Variants in ATP13A3 observed in about 807,000 individuals in gnomAD.
ATP13A3 encodes polyamine-transporting ATPase 13A3.
Under a neutral mutation model 158.1 loss-of-function variants are expected in ATP13A3, and 59 were observed. The ratio of observed to expected loss-of-function variants is 0.37; its 90% CI spans 0.30 to 0.46. The LOEUF is 0.46. Among genes scored for constraint, ATP13A3 ranks in the 20% least tolerant of loss-of-function variants. The probability of loss-of-function intolerance (pLI) is 1.00; values close to 1 mark genes in which losing one functional copy is unlikely to be tolerated. For missense variants in ATP13A3, 1,166 were observed against 1,525.2 expected (o/e 0.76, Z 3.92); for synonymous variants, 491 against 504.3 (o/e 0.97, Z 0.35).
At chr3:194,489,942 G>A (rs566802167), upstream of ATP13A3, among the ~76,000 whole-genome samples, 17 of 152,242 alleles carry the variant, frequency 1.1e-4, no homozygotes, top group African/African-American at 4.1e-4. This position sits in a 1 kb window ranked among gnomAD's most constrained non-coding sequence, Gnocchi z 4.1. Context: ...AGACTTACTG[G>A]TTCTCAAGTC....
intron 2 of ATP13A3, among the ~76,000 whole-genome samples, chr3:194,484,920 G>A (rs939661882): frequency 1.3e-5 from 2 of 152,038 alleles, no homozygotes; most frequent in African/African-American, 2.4e-5. Context: ...AGCTGGGCGT[G>A]GTGGCACACA....
chr3:194,448,561 T>C lies in ATP13A3; in HGVS notation c.1046A>G (p.Tyr349Cys), dbSNP rs749298818. The C allele has an allele frequency of 2.5e-6, 4 of 1,613,972 alleles. No individual in the cohort carries two copies. Among genetic ancestry groups the C allele is most frequent in the African/African-American group, 1.3e-5 (1 of 74,928 alleles). The change falls in exon 12 of 34, where the codon TAT becomes TGT. Residue 349 changes from tyrosine to cysteine, a missense_variant. By Grantham distance (194) the Tyr-to-Cys change is radical. This residue lies in a region of ATP13A3 where 997 missense variants were observed against 1,341.2 expected (regional missense o/e 0.74). Transcript: ENST00000645319. This position sits in a 1 kb window ranked among gnomAD's most constrained non-coding sequence, Gnocchi z 4.0. ...ATGTCGTTTATGTGTTTCTGGATTA[T>C]ATAATTCATCTCCTATTCCTTTCAC... is the stretch of plus-strand genomic sequence containing the variant. Reference protein sequence around the residue: ...VDVKGIGDELYNPETHKRHTL... With the variant: ...VDVKGIGDELCNPETHKRHTL...
chr3:194,464,888 A>T (rs1281191791), intron 2 of ATP13A3, among the ~76,000 whole-genome samples: 1 of 152,096 alleles, frequency 6.6e-6, no homozygotes, highest in Non-Finnish European at 1.5e-5. Flanking sequence ...AAATGCTGAG[A>T]CTGCAGGAAT....
At chr3:194,412,165 C>T (rs1389105152) in intron 33 of ATP13A3, 34 bp downstream of exon 33, 1 of 1,484,680 alleles carries the variant, frequency 6.7e-7, no homozygotes, top group Non-Finnish European at 9.1e-7. Context: ...CCTAGAGAGG[C>T]AGCAAGAATT....
intron 30 of ATP13A3, 50 bp from the exon 31 acceptor site, chr3:194,420,017 A>C: frequency 6.9e-7 from 1 of 1,454,768 alleles, no homozygotes; most frequent in Non-Finnish European, 9.0e-7. Flanking sequence ...ATTCCTTTAT[A>C]TAAAAAGGCA....
At chr3:194,489,945 C>A (rs534069458), upstream of ATP13A3, among the ~76,000 whole-genome samples, 20 of 152,218 alleles carry the variant, frequency 1.3e-4, no homozygotes, top group African/African-American at 4.8e-4. The surrounding 1 kb of genome is among the most constrained non-coding windows in gnomAD (Gnocchi z 4.1). Context: ...CTTACTGGTT[C>A]TCAAGTCATG....
In ATP13A3 at chr3:194,404,881, A is replaced by G. The variant is rs568120774; in HGVS notation, c.*1038T>C. On this transcript the variant is annotated 3_prime_UTR_variant, in exon 34 of 34. Coordinates refer to ENST00000645319, the MANE Select transcript of ATP13A3 (RefSeq NM_001367549.1). Reference sequence around the variant, plus strand: ...TCATCAAATTCATATTGCTTTGAAAAAACGGCAGCCATTCAAATCCAGTAT... The same window carrying G: ...TCATCAAATTCATATTGCTTTGAAAGAACGGCAGCCATTCAAATCCAGTAT... The G allele has an allele frequency of 6.6e-6, 1 of 152,340 alleles. No individual in the cohort carries two copies. Among genetic ancestry groups the G allele is most frequent in the African/African-American group, 2.4e-5 (1 of 41,578 alleles). 9.4% of individuals were successfully genotyped at this position (152,340 alleles called of 1,614,324 possible). A position where few individuals can be genotyped will look rare whatever the true frequency, so the allele number is the denominator to read the frequency against.
intron 2 of ATP13A3, among the ~76,000 whole-genome samples, chr3:194,479,028 C>T (rs905375020): frequency 6.6e-6 from 1 of 152,094 alleles, no homozygotes; most frequent in African/African-American, 2.4e-5. Flanking sequence ...CTTATCATTG[C>T]CACAACTATT....
chr3:194,434,985 G>A (rs1717517792), intron 20 of ATP13A3, among the ~76,000 whole-genome samples: 1 of 152,146 alleles, frequency 6.6e-6, no homozygotes, highest in Non-Finnish European at 1.5e-5. Flanking sequence ...TTATATCATA[G>A]AAATTTTTTT....
chr3:194,431,743 T>A lies in ATP13A3; in HGVS notation c.2395A>T (p.Ser799Cys). 2 of 1,604,226 alleles carry A rather than the reference T, an allele frequency of 1.2e-6. No individual in the cohort carries two copies. The highest frequency in any genetic ancestry group is 1.7e-6 in the Non-Finnish European group (2 of 1,176,162). ...WHYADSLTQC[S>C]HPSAIDPEAI... Reference sequence around the variant, plus strand: ...TCTGGGTCAATTGCTGATGGATGACTGCACTGCGTGAGGGAGTCTGCATAA... The same window carrying A: ...TCTGGGTCAATTGCTGATGGATGACAGCACTGCGTGAGGGAGTCTGCATAA... Residue 799 changes from serine to cysteine, a missense_variant, in exon 22 of 34, where the codon AGT becomes TGT. Ser to Cys is a moderately radical substitution (Grantham distance 112, BLOSUM62 -1). Transcript: ENST00000645319.
At chr3:194,450,093 A>C in intron 11 of ATP13A3, 52 bp downstream of exon 11, 1 of 1,560,946 alleles carries the variant, frequency 6.4e-7, no homozygotes, top group Non-Finnish European at 8.8e-7. Flanking sequence ...TCACTAACTT[A>C]GTCATGATAT....
chr3:194,468,386 T>TAAAAAAAAAAAAAAAAAAAA (rs35011462), intron 2 of ATP13A3: 47 of 111,800 alleles, frequency 4.2e-4, no homozygotes, highest in African/African-American at 1.7e-3. Context: ...TGTGTGAGTT[T>TAAAAAAAAAAAAAAAAAAAA]AAAAAAAAAA....
intron 2 of ATP13A3, among the ~76,000 whole-genome samples, chr3:194,472,382 G>A (rs1720344457): frequency 2.0e-5 from 3 of 152,046 alleles, no homozygotes; most frequent in African/African-American, 7.3e-5. Context: ...CTAAAATAAG[G>A]CAGATAGAAT....
At chr3:194,442,635 G>C (rs1718130900) in intron 15 of ATP13A3, among the ~76,000 whole-genome samples, 2 of 151,936 alleles carry the variant, frequency 1.3e-5, no homozygotes, top group African/African-American at 4.8e-5. Context: ...AGGATTCCCA[G>C]AAGGAGAGAA....
chr3:194,422,954 G>A (rs1324313044), intron 30 of ATP13A3, among the ~76,000 whole-genome samples: 16 of 149,886 alleles, frequency 1.1e-4, no homozygotes, highest in Non-Finnish European at 2.4e-4. Flanking sequence ...TAGATGAATA[G>A]GAAAAAGATA....
chr3:194,440,956 C>T (rs1201165645), intron 16 of ATP13A3, among the ~76,000 whole-genome samples: 1 of 152,142 alleles, frequency 6.6e-6, no homozygotes, highest in Non-Finnish European at 1.5e-5. Flanking sequence ...TGAAGACAAA[C>T]GACTTTATAC....
At chr3:194,450,865 C>T (rs1036727274) in intron 10 of ATP13A3, 1 of 151,894 alleles carries the variant, frequency 6.6e-6, no homozygotes, top group African/African-American at 2.4e-5. Flanking sequence ...TCATTATTTC[C>T]TTACAAATTT....
chr3:194,439,027 T>C, intron 16 of ATP13A3, 55 bp from the exon 17 acceptor site: 1 of 1,123,364 alleles, frequency 8.9e-7, no homozygotes, highest in Non-Finnish European at 1.3e-6. Context: ...AAGCACTGCT[T>C]CATAAAACTG....
rs1714704871 is a variant in ATP13A3, at chr3:194,402,808, A to G, written c.*3111T>C. 6.6e-6 allele frequency: 1 copy of G among 152,236 alleles called. No homozygotes were observed. The highest frequency in any genetic ancestry group is 2.4e-5 in the African/African-American group (1 of 41,474). 9.4% of individuals were successfully genotyped at this position (152,236 alleles called of 1,614,324 possible). A position where few individuals can be genotyped will look rare whatever the true frequency, so the allele number is the denominator to read the frequency against. On this transcript the variant is annotated 3_prime_UTR_variant, in exon 34 of 34. Coordinates refer to ENST00000645319, the MANE Select transcript of ATP13A3 (RefSeq NM_001367549.1). ...GAGGGTACCATTCTTGAGCAGCAAT[A>G]CAATTTTAAAAATATAAAGATGCAG...
Sources: allele counts gnomAD v4.1 joint callset (sites outside exome capture counted in the v4.1 genomes callset), GRCh38; gene constraint gnomAD v4.1.1; regional missense constraint gnomAD v4.1.1; non-coding constraint Gnocchi (gnomAD v3.1); transcripts MANE v1.5; gene names NCBI Gene and HGNC (gene_info 2026-07-23, HGNC 2026-07-21).